FIGNL2: variants seen among roughly 807,000 people sequenced by gnomAD.
FIGNL2 encodes fidgetin-like protein 2.
For missense variants in FIGNL2, 1,060 were observed against 950.2 expected (o/e 1.12, Z -1.52); for synonymous variants, 565 against 484.0 (o/e 1.17, Z -2.20).
rs1374556151 is a variant in FIGNL2, at chr12:51,821,485, C to A, written c.929G>T (p.Arg310Leu). ...DNGECRGNGF[R>L]AKPPGAAEEA... The stretch of plus-strand genomic sequence containing the variant: ...CTCCGCGGCTCCTGGCGGCTTGGCC[C>A]GGAACCCGTTGCCCCGACATTCGCC... Residue 310 changes from arginine to leucine, a missense_variant, in exon 2 of 2, where the codon CGG becomes CTG. Coordinates refer to ENST00000618634, the MANE Select transcript of FIGNL2 (RefSeq NM_001384995.1). 5 of 1,552,646 alleles carry A rather than the reference C, an allele frequency of 3.2e-6. No individual in the cohort carries two copies. The highest frequency in any genetic ancestry group is 1.2e-5 in the South Asian group (1 of 84,324).
At chr12:51,844,857 A>T in intron 1 of FIGNL2, 1 of 982,966 alleles carries the variant, frequency 1.0e-6, no homozygotes, top group Non-Finnish European at 1.2e-6. Context: ...CCTCAATCTC[A>T]TACCCCTGGT....
intron 1 of FIGNL2, among the ~76,000 whole-genome samples, chr12:51,832,384 TC>T (rs574699666): frequency 1.2e-3 from 178 of 152,192 alleles, no homozygotes; most frequent in Non-Finnish European, 1.7e-3. Context: ...TTTTACCTTT[TC>T]TATGCTACTG....
intron 1 of FIGNL2, 167 bp downstream of exon 1, chr12:51,848,373 G>A: frequency 2.0e-6 from 2 of 983,580 alleles, no homozygotes; most frequent in Non-Finnish European, 2.4e-6. Context: ...ACCCGCTAGG[G>A]TCTCTCGCCG....
intron 1 of FIGNL2, 182 bp downstream of exon 1, chr12:51,848,358 C>T: frequency 1.0e-6 from 1 of 983,552 alleles, no homozygotes; most frequent in African/African-American, 1.8e-5. Flanking sequence ...CCTCGGCTCC[C>T]ACGTACCCGC....
rs752353147 is a variant in FIGNL2, at chr12:51,822,172, C to G, written c.242G>C (p.Gly81Ala). The G allele has an allele frequency of 1.2e-6, 2 of 1,611,772 alleles. No homozygotes were observed. Among genetic ancestry groups the G allele is most frequent in the Admixed American group, 1.7e-5 (1 of 59,676 alleles). Residue 81 changes from glycine (G) to alanine (A), a missense_variant, in exon 2 of 2, where the codon GGC becomes GCC. Coordinates refer to ENST00000618634, the MANE Select transcript of FIGNL2 (RefSeq NM_001384995.1). ...LDSPYERPAL[G>A]GYSDASFLNG... ...GAGGAAGGAGGCGTCGCTGTACCCG[C>G]CCAGGGCCGGACGCTCGTAGGGAGA...
chr12:51,842,587 C>A (rs1291625821), intron 1 of FIGNL2, among the ~76,000 whole-genome samples: 1 of 152,188 alleles, frequency 6.6e-6, no homozygotes, highest in Non-Finnish European at 1.5e-5. Context: ...ATAGGGCACT[C>A]GGCTGCAGGT....
Position 51,821,656 on chromosome 12 carries a change from G to C in FIGNL2, c.758C>G (p.Pro253Arg). The C allele has an allele frequency of 6.8e-7, 1 of 1,465,348 alleles. No individual in the cohort carries two copies. Among genetic ancestry groups the C allele is most frequent in the African/African-American group, 1.5e-5 (1 of 67,934 alleles). 90.8% of individuals were successfully genotyped at this position (1,465,348 alleles called of 1,614,324 possible). ...APAPPTAYGF[P>R]TAAPGAESGL... ...GGATTCGGCACCCGGCGCGGCCGTG[G>C]GGAAGCCATAGGCGGTGGGCGGTGC... The change falls in exon 2 of 2, where the codon CCC (proline) becomes CGC (arginine). Residue 253 changes from proline (P) to arginine (R), a missense_variant. Physicochemically the swap from Pro to Arg is moderately radical, Grantham distance 103. Transcript: ENST00000618634.
intron 1 of FIGNL2, among the ~76,000 whole-genome samples, chr12:51,836,290 G>A (rs982742399): frequency 6.6e-6 from 1 of 152,254 alleles, no homozygotes; most frequent in South Asian, 2.1e-4. Flanking sequence ...GGTAGGACAG[G>A]GCACTCTGTC....
At chr12:51,840,985 G>T (rs1018765308) in intron 1 of FIGNL2, among the ~76,000 whole-genome samples, 3 of 152,230 alleles carry the variant, frequency 2.0e-5, no homozygotes, top group African/African-American at 7.2e-5. Flanking sequence ...GTGCATGGGG[G>T]TGGGAGAGAG....
intron 1 of FIGNL2, chr12:51,835,323 T>TGAGGGAAGCCCAGTCACCC (rs1290151678): frequency 3.3e-5 from 5 of 152,264 alleles, no homozygotes; most frequent in Non-Finnish European, 7.3e-5. Flanking sequence ...CAGGACCTCT[T>TGAGGGAAGCCCAGTCACCC]GAGGGAAGCC....
Position 51,848,631 on chromosome 12 carries a change from C to G in FIGNL2, c.-103G>C, listed in dbSNP as rs1329311215. 1.4e-6 allele frequency: 1 copy of G among 719,348 alleles called. No homozygotes were observed. Among genetic ancestry groups the G allele is most frequent in the African/African-American group, 1.9e-5 (1 of 51,794 alleles). The allele number at this position is 719,348 out of a possible 1,614,324, so 44.6% of individuals were successfully genotyped here. On this transcript the variant is annotated 5_prime_UTR_variant, in exon 1 of 2. Coordinates refer to ENST00000618634, the MANE Select transcript of FIGNL2 (RefSeq NM_001384995.1). ...GGGCGGCGGCGCGGGCCGGGGGCGA[C>G]AGGCCTGGGCTGGGGGGCAGTGGCG...
chr12:51,837,037 G>A (rs568753028), intron 1 of FIGNL2, among the ~76,000 whole-genome samples: 22 of 152,206 alleles, frequency 1.4e-4, no homozygotes, highest in Non-Finnish European at 1.9e-4. Context: ...CATTTGAACC[G>A]CTCAACCTGC....
chr12:51,836,146 G>A (rs1939575116), intron 1 of FIGNL2, among the ~76,000 whole-genome samples: 1 of 152,122 alleles, frequency 6.6e-6, no homozygotes, highest in Non-Finnish European at 1.5e-5. Flanking sequence ...CAGTTTTACA[G>A]CTACCCTGGA....
chr12:51,848,083 C>CA (rs1939790808), intron 1 of FIGNL2: 132 of 887,238 alleles, frequency 1.5e-4, no homozygotes, highest in Non-Finnish European at 1.6e-4. Context: ...CCCACCCCTC[C>CA]CACACACACA....
rs1034719501 is a variant in FIGNL2, at chr12:51,821,021, C to G, written c.1393G>C (p.Gly465Arg). ...AGGAGGCGCGCGCCCTCGGCGGCGC[C>G]GGGCGCAGCCAGGGTCGCGCCGCGC... ...RLRGATLAAP[G>R]AAEGARLLQA... Residue 465 changes from glycine (G) to arginine (R), a missense_variant, in exon 2 of 2, where the codon GGC (glycine) becomes CGC (arginine). Gly to Arg is a moderately radical substitution (Grantham distance 125, BLOSUM62 -2). Coordinates refer to ENST00000618634, the MANE Select transcript of FIGNL2 (RefSeq NM_001384995.1). 1.7e-6 allele frequency: 2 copies of G among 1,175,160 alleles called. No individual in the cohort carries two copies. The highest frequency in any genetic ancestry group is 4.2e-5 in the South Asian group (1 of 23,974). The allele number at this position is 1,175,160 out of a possible 1,614,324, so 72.8% of individuals were successfully genotyped here.
chr12:51,824,304 A>C (rs1461433776), intron 1 of FIGNL2: 1 of 152,216 alleles, frequency 6.6e-6, no homozygotes, highest in Non-Finnish European at 1.5e-5. Flanking sequence ...GAGGAAGCTG[A>C]AGATAACCCG....
chr12:51,827,631 C>G (rs575088689), intron 1 of FIGNL2, among the ~76,000 whole-genome samples: 3 of 152,314 alleles, frequency 2.0e-5, no homozygotes, highest in African/African-American at 7.2e-5. Flanking sequence ...GCACAAATTA[C>G]AAATTCAGAA....
At chr12:51,847,886 C>A (rs1939786305) in intron 1 of FIGNL2, 2 of 947,754 alleles carry the variant, frequency 2.1e-6, no homozygotes, top group Non-Finnish European at 1.3e-6. Context: ...TTGCCTGTAG[C>A]CCCAGGGTGA....
chr12:51,821,933 C>T lies in FIGNL2; in HGVS notation c.481G>A (p.Gly161Ser), dbSNP rs1319779418. The T allele has an allele frequency of 2.0e-6, 3 of 1,511,658 alleles. No individual in the cohort carries two copies. The highest frequency in any genetic ancestry group is 2.6e-5 in the East Asian group (1 of 38,260). 93.6% of individuals were successfully genotyped at this position (1,511,658 alleles called of 1,614,324 possible). ...GPSAAPEYAA[G>S]YGGGYLAPGY... ...GGCGCCAGGTACCCCCCGCCGTAGC[C>T]GGCCGCGTACTCGGGCGCCGCCGAT... Residue 161 changes from glycine (G) to serine (S), a missense_variant, in exon 2 of 2, where the codon GGC (glycine) becomes AGC (serine). Coordinates refer to ENST00000618634, the MANE Select transcript of FIGNL2 (RefSeq NM_001384995.1).
Sources: allele counts gnomAD v4.1 joint callset (sites outside exome capture counted in the v4.1 genomes callset), GRCh38; gene constraint gnomAD v4.1.1; transcripts MANE v1.5; gene names NCBI Gene and HGNC (gene_info 2026-07-23, HGNC 2026-07-21).